The following POLA1 variants were observed in gnomAD, a reference collection of about 807,000 sequenced individuals.
POLA1 encodes DNA polymerase alpha catalytic subunit.
Under a neutral mutation model 124.0 loss-of-function variants are expected in POLA1, and 15 were observed. The ratio of observed to expected loss-of-function variants is 0.12; its 90% confidence interval spans 0.08 to 0.19. POLA1 has a LOEUF of 0.19. Ranked by LOEUF, POLA1 falls within the 10% of genes least tolerant of loss-of-function variation. The probability of loss-of-function intolerance (pLI) is 1.00; values close to 1 mark genes in which losing one functional copy is unlikely to be tolerated. For missense variants in POLA1, 886 were observed against 1,103.4 expected (o/e 0.80, Z 2.79); for synonymous variants, 408 against 389.4 (o/e 1.05, Z -0.56).
intron 4 of POLA1, among the ~76,000 whole-genome samples, chrX:24,709,393 A>C (rs1243872686): frequency 3.3e-5 from 2 of 61,424 alleles, no homozygotes; most frequent in Non-Finnish European, 6.2e-5. Context: ...CGGGGGGCTG[A>C]CCCCCCCACC....
chrX:24,956,118 AC>A (rs1490649940), intron 36 of POLA1, among the ~76,000 whole-genome samples: 2 of 105,973 alleles, frequency 1.9e-5, no homozygotes, highest in Non-Finnish European at 3.9e-5. Context: ...GCATAGTGAG[AC>A]CCCACCTCTT....
Position 24,727,866 on chromosome X carries a change from G to C in POLA1, c.1616G>C (p.Ser539Thr), listed in dbSNP as rs1347417064. ...CTGGTGAATGTAATTAAGGATGTCA[G>C]TCCACCACCGCTTGTCGTGATGGCT... ...PDLVNVIKDV[S>T]PPPLVVMAFS... Residue 539 changes from serine (S) to threonine (T), a missense_variant, in exon 15 of 37, where the codon AGT becomes ACT. Ser to Thr is a moderately conservative substitution (Grantham distance 58). Coordinates refer to ENST00000379068, the MANE Select transcript of POLA1 (RefSeq NM_001330360.2). The C allele has an allele frequency of 8.3e-7, 1 of 1,206,903 alleles. No homozygotes were observed. Among genetic ancestry groups the C allele is most frequent in the Non-Finnish European group, 1.1e-6 (1 of 891,829 alleles).
chrX:24,835,347 C>T (rs757544189), intron 32 of POLA1, among the ~76,000 whole-genome samples: 2 of 111,000 alleles, frequency 1.8e-5, no homozygotes, highest in East Asian at 2.8e-4. Context: ...TCAGTGCGCC[C>T]GGCCCATTTT....
At chrX:24,883,755 G>A (rs1293683330) in intron 34 of POLA1, among the ~76,000 whole-genome samples, 1 of 112,026 alleles carries the variant, frequency 8.9e-6, no homozygotes, top group African/African-American at 3.2e-5. Context: ...ATTGCTATTG[G>A]TTATGATAAT....
intron 34 of POLA1, among the ~76,000 whole-genome samples, chrX:24,865,585 C>T (rs1439694048): frequency 9.0e-6 from 1 of 111,694 alleles, no homozygotes; most frequent in Non-Finnish European, 1.9e-5. Flanking sequence ...TATTAAAACA[C>T]AGAGATTTTT....
rs757894926 is a variant in POLA1, at chrX:24,743,323, A to G, written c.2560A>G (p.Lys854Glu). Residue 854 changes from lysine (K) to glutamate (E), a missense_variant, in exon 23 of 37, where the codon AAA becomes GAA. Physicochemically the swap from Lys to Glu is moderately conservative, Grantham distance 56 (BLOSUM62 1). Coordinates refer to ENST00000379068, the MANE Select transcript of POLA1 (RefSeq NM_001330360.2). ...AYAGGLVLDP[K>E]VGFYDKFILL... ...TGCTGGAGGCTTGGTTTTGGACCCCAAAGTTGGTAAGGCTGGGCAGTGAAT... is the reference window on the plus strand; with the variant it reads ...TGCTGGAGGCTTGGTTTTGGACCCCGAAGTTGGTAAGGCTGGGCAGTGAAT... 1.3e-5 allele frequency: 14 copies of G among 1,097,942 alleles called. No individual in the cohort carries two copies. The East Asian group carries it at 3.7e-4, about 29-fold the overall frequency. 90.5% of individuals were successfully genotyped at this position (1,097,942 alleles called of 1,213,427 possible).
intron 4 of POLA1, among the ~76,000 whole-genome samples, chrX:24,705,625 T>C (rs910716820): frequency 2.7e-5 from 3 of 111,924 alleles, no homozygotes; most frequent in African/African-American, 9.7e-5. Flanking sequence ...TTTAAAGCTA[T>C]TTTAAATGCA....
At chrX:24,911,530 C>T (rs1273518014) in intron 35 of POLA1, among the ~76,000 whole-genome samples, 1 of 110,084 alleles carries the variant, frequency 9.1e-6, no homozygotes, top group East Asian at 2.8e-4. Flanking sequence ...AGTAAATACC[C>T]TGAGTTTGCA....
intron 35 of POLA1, among the ~76,000 whole-genome samples, chrX:24,893,736 T>C (rs112468276): frequency 0.013 from 1,460 of 112,834 alleles, 11 homozygotes; most frequent in South Asian, 0.036. Context: ...TTCATTCTTT[T>C]TTATGGCCAA....
At chrX:24,891,572 G>T (rs187406744) in intron 35 of POLA1, among the ~76,000 whole-genome samples, 2 of 111,681 alleles carry the variant, frequency 1.8e-5, no homozygotes, top group Admixed American at 1.9e-4. Context: ...CAGAATTATT[G>T]TAATCATCAG....
In POLA1 at chrX:24,839,629, C is replaced by T. The variant is rs570685828; in HGVS notation, c.3737-2023C>T. The stretch of plus-strand genomic sequence containing the variant: ...AGAGTAGCTCCTCTTGGTTCCTTTT[C>T]GTAGCCTGGCCAATTTTGTATATGT... On this transcript the variant is annotated intron_variant, in intron 32 of 36. Transcript: ENST00000379068. Among the ~76,000 whole-genome samples, 31 of 111,942 alleles carry T rather than the reference C, an allele frequency of 2.8e-4. 1 individual carries two copies. In the South Asian group the frequency reaches 0.01, roughly 38 times the overall value.
intron 36 of POLA1, among the ~76,000 whole-genome samples, chrX:24,978,639 G>A (rs994774461): frequency 2.7e-5 from 3 of 112,031 alleles, no homozygotes; most frequent in Non-Finnish European, 5.6e-5. Context: ...AATGATAGAT[G>A]AGGAAATGGA....
chrX:24,855,734 A>G (rs1157740792), intron 34 of POLA1, among the ~76,000 whole-genome samples: 1 of 111,434 alleles, frequency 9.0e-6, no homozygotes, highest in East Asian at 2.8e-4. Context: ...TCCAACAGTC[A>G]AGTAGTCATC....
chrX:24,837,628 G>A (rs915245725), intron 32 of POLA1, among the ~76,000 whole-genome samples: 1 of 111,502 alleles, frequency 9.0e-6, no homozygotes, highest in African/African-American at 3.3e-5. Context: ...TTTTCAGTTC[G>A]CATATTGTCC....
chrX:24,761,988 G>A (rs972604640), intron 26 of POLA1, among the ~76,000 whole-genome samples: 2 of 112,351 alleles, frequency 1.8e-5, no homozygotes, highest in South Asian at 3.7e-4. Context: ...AAATGCCTGA[G>A]TATGCACTGG....
chrX:24,878,606 G>A (rs2046964477), intron 34 of POLA1, among the ~76,000 whole-genome samples: 2 of 110,157 alleles, frequency 1.8e-5, no homozygotes, highest in African/African-American at 3.3e-5. Flanking sequence ...AAAAGACTGG[G>A]TGCATTTTAG....
chrX:24,811,913 G>A (rs1010090473), intron 28 of POLA1, among the ~76,000 whole-genome samples: 2 of 112,130 alleles, frequency 1.8e-5, no homozygotes, highest in East Asian at 2.8e-4. Context: ...ATTTGCAATC[G>A]CAATTCACAG....
At chrX:24,971,357 C>A (rs1194646254) in intron 36 of POLA1, among the ~76,000 whole-genome samples, 1 of 112,463 alleles carries the variant, frequency 8.9e-6, no homozygotes, top group Non-Finnish European at 1.9e-5. Flanking sequence ...TGAATGAAAC[C>A]TGGGTGTCCA....
chrX:24,798,217 C>A (rs2045644149), intron 26 of POLA1, among the ~76,000 whole-genome samples: 1 of 111,703 alleles, frequency 9.0e-6, no homozygotes, highest in African/African-American at 3.3e-5. Flanking sequence ...GGATTCTTCC[C>A]AGCAAAAGTA....
Sources: gnomAD v4.1 joint callset for allele counts (sites outside exome capture counted in the v4.1 genomes callset) on GRCh38, gnomAD v4.1.1 for gene constraint, MANE v1.5 for transcripts, NCBI Gene and HGNC (gene_info 2026-07-23, HGNC 2026-07-21) for gene names.